The following TSPAN9 variants were observed in gnomAD, a reference collection of about 807,000 sequenced individuals.
The protein encoded by TSPAN9 is tetraspanin-9.
In TSPAN9, 16 loss-of-function variants were observed where a neutral mutation model predicts 31.0. The observed-to-expected ratio is 0.52, with a 90% CI of 0.35 to 0.78. TSPAN9 has a LOEUF of 0.78. Among genes scored for constraint, TSPAN9 ranks in the 30% least tolerant of loss-of-function variants. The pLI is 0.01. For synonymous variants in TSPAN9, 145 were observed against 121.6 expected (o/e 1.19, Z -1.27); for missense variants, 272 against 312.5 (o/e 0.87, Z 0.98).
intron 2 of TSPAN9, among the ~76,000 whole-genome samples, chr12:3,093,389 G>T (rs1462656520): frequency 6.6e-6 from 1 of 152,206 alleles, no homozygotes; most frequent in Non-Finnish European, 1.5e-5. Flanking sequence ...AGGAAGAAAA[G>T]TGGAGAGGTA....
At chr12:3,184,076 A>G (rs1397479704) in intron 2 of TSPAN9, among the ~76,000 whole-genome samples, 2 of 152,156 alleles carry the variant, frequency 1.3e-5, no homozygotes, top group East Asian at 3.9e-4. Flanking sequence ...CTGACGGCCC[A>G]TAGCTTCTGG....
intron 2 of TSPAN9, among the ~76,000 whole-genome samples, chr12:3,142,083 A>G (rs1461391702): frequency 3.3e-5 from 5 of 152,112 alleles, no homozygotes; most frequent in South Asian, 2.1e-4. Context: ...GGTGCCTTCT[A>G]TGGAGGAGGA....
At chr12:3,091,174 A>AGGCG (rs1207302481) in intron 2 of TSPAN9, among the ~76,000 whole-genome samples, 2 of 152,240 alleles carry the variant, frequency 1.3e-5, no homozygotes, top group Non-Finnish European at 2.9e-5. Flanking sequence ...TTCCAGGCCC[A>AGGCG]GGCGTCTGCT....
chr12:3,222,900 G>T (rs1278894359), intron 3 of TSPAN9, among the ~76,000 whole-genome samples: 3 of 151,406 alleles, frequency 2.0e-5, no homozygotes, highest in Admixed American at 6.6e-5. Flanking sequence ...TCCCGAGGGG[G>T]CCCTAAGTCA....
At chr12:3,102,716 C>T (rs890131578) in intron 2 of TSPAN9, among the ~76,000 whole-genome samples, 4 of 152,194 alleles carry the variant, frequency 2.6e-5, no homozygotes, top group African/African-American at 9.7e-5. Context: ...GGATTACAGG[C>T]GTGAGCCACT....
chr12:3,267,740 C>T (rs543654542), intron 3 of TSPAN9, among the ~76,000 whole-genome samples: 4 of 152,356 alleles, frequency 2.6e-5, no homozygotes, highest in Non-Finnish European at 4.4e-5. Context: ...GCCTTCCCTT[C>T]CACTTTACAG....
chr12:3,186,283 A>AACTGTTCGT (rs1199861740), intron 2 of TSPAN9, among the ~76,000 whole-genome samples: 3 of 152,240 alleles, frequency 2.0e-5, no homozygotes, highest in Non-Finnish European at 4.4e-5. Flanking sequence ...AGCTTTGGGA[A>AACTGTTCGT]TACAGCAGTA....
At chr12:3,129,809 C>T (rs669839) in intron 2 of TSPAN9, among the ~76,000 whole-genome samples, 124,738 of 152,156 alleles carry the variant, frequency 0.82, 51,306 homozygotes, top group East Asian at 0.92. Flanking sequence ...GTAGGATGAA[C>T]GGTTCCTGCC....
chr12:3,125,583 GA>G (rs2098326985), intron 2 of TSPAN9, among the ~76,000 whole-genome samples: 1 of 151,992 alleles, frequency 6.6e-6, no homozygotes. Context: ...CACTCTATAA[GA>G]AGACCCTAAT....
intron 1 of TSPAN9, among the ~76,000 whole-genome samples, chr12:3,078,100 G>C (rs765942520): frequency 6.6e-5 from 10 of 152,200 alleles, no homozygotes; most frequent in Non-Finnish European, 1.5e-4. Flanking sequence ...CTGGAGTCTT[G>C]GATCTCCTCC....
chr12:3,251,084 C>T (rs1031984673), intron 3 of TSPAN9, among the ~76,000 whole-genome samples: 1 of 152,212 alleles, frequency 6.6e-6, no homozygotes, highest in Non-Finnish European at 1.5e-5. Flanking sequence ...CTACCCTCTC[C>T]CCAGGTTAGT....
rs887571549 is a variant in TSPAN9 at position 3,107,027 on chromosome 12, G to C, written c.-18+23308G>C. Reference sequence around the variant, plus strand: ...CCCTCCTGGCTGCTCAGATCCCAGCGGGTTTCCAGCCACAGAAGCAAAGCA... The same window carrying C: ...CCCTCCTGGCTGCTCAGATCCCAGCCGGTTTCCAGCCACAGAAGCAAAGCA... On this transcript the variant is annotated intron_variant, in intron 2 of 8. Coordinates refer to ENST00000011898, the MANE Select transcript of TSPAN9 (RefSeq NM_006675.5). The surrounding 1 kb of genome is among the most constrained non-coding windows in gnomAD (Gnocchi z 4.1). 1.3e-5 allele frequency among the ~76,000 whole-genome samples: 2 copies of C among 152,130 alleles called. No individual in the cohort carries two copies. Among genetic ancestry groups the C allele is most frequent in the Non-Finnish European group, 2.9e-5 (2 of 68,036 alleles).
chr12:3,273,151 A>T (rs531864797), intron 3 of TSPAN9: 2 of 152,280 alleles, frequency 1.3e-5, no homozygotes, highest in Admixed American at 6.5e-5. Context: ...GCCCTGTGGG[A>T]TTTGAAGGCG....
chr12:3,270,291 G>T (rs1017776431), intron 3 of TSPAN9, among the ~76,000 whole-genome samples: 3 of 152,144 alleles, frequency 2.0e-5, no homozygotes, highest in Admixed American at 6.5e-5. Context: ...GAGGTGACCT[G>T]CATCGTCCTG....
In TSPAN9 at chr12:3,168,305, C is replaced by T. The variant is rs1046600440; in HGVS notation, c.-17-32872C>T. 6.6e-6 allele frequency among the ~76,000 whole-genome samples: 1 copy of T among 152,228 alleles called. No homozygotes were observed. The highest frequency in any genetic ancestry group is 2.4e-5 in the African/African-American group (1 of 41,458). On this transcript the variant is annotated intron_variant, in intron 2 of 8. Transcript: ENST00000011898. This position sits in a 1 kb window ranked among gnomAD's most constrained non-coding sequence, Gnocchi z 4.0. ...AGTTGCTAAGGTCTTCATAAAATCT[C>T]CCCTCTAGCGCTCGTCTTTTTGCTT...
intron 2 of TSPAN9, among the ~76,000 whole-genome samples, chr12:3,198,351 T>TACCAGCACAGGCCACC (rs1195277663): frequency 2.7e-4 from 3 of 11,240 alleles, no homozygotes; most frequent in Non-Finnish European, 3.6e-4. Flanking sequence ...CAGCTCACCG[T>TACCAGCACAGGCCACC]ACCAGCACAG....
At chr12:3,079,516 C>T (rs1024711458) in intron 1 of TSPAN9, among the ~76,000 whole-genome samples, 2 of 151,844 alleles carry the variant, frequency 1.3e-5, no homozygotes, top group Admixed American at 6.6e-5. Flanking sequence ...GGCTGGAGTG[C>T]GATGGCACTA....
intron 2 of TSPAN9, among the ~76,000 whole-genome samples, chr12:3,155,885 G>A (rs138853974): frequency 6.6e-6 from 1 of 152,310 alleles, no homozygotes; most frequent in African/African-American, 2.4e-5. Context: ...GGGAGATAAA[G>A]GGGAGTCTGT....
intron 3 of TSPAN9, among the ~76,000 whole-genome samples, chr12:3,223,732 C>T (rs538558452): frequency 2.0e-5 from 3 of 152,218 alleles, no homozygotes; most frequent in South Asian, 2.1e-4. Context: ...AGCGAGAGAC[C>T]GGGACTACAA....
Sources: allele counts gnomAD v4.1 joint callset (sites outside exome capture counted in the v4.1 genomes callset), GRCh38; gene constraint gnomAD v4.1.1; non-coding constraint Gnocchi (gnomAD v3.1); transcripts MANE v1.5; gene names NCBI Gene and HGNC (gene_info 2026-07-23, HGNC 2026-07-21).